PAK3: variants seen among roughly 807,000 people sequenced by gnomAD.
PAK3 encodes serine/threonine-protein kinase PAK 3.
Under a neutral mutation model 41.0 loss-of-function variants are expected in PAK3, and 4 were observed. The ratio of observed to expected loss-of-function variants is 0.10; its 90% CI spans 0.05 to 0.22. PAK3 has a LOEUF of 0.22. PAK3 is among the 10% of genes least tolerant of loss of function. The probability of loss-of-function intolerance (pLI) is 1.00; values close to 1 mark genes in which losing one functional copy is unlikely to be tolerated. For synonymous variants in PAK3, 146 were observed against 139.6 expected, an observed-to-expected ratio of 1.05 and a Z score of -0.32; for missense variants, 205 against 409.9, an observed-to-expected ratio of 0.50 and a Z score of 4.32.
At chrX:111,085,804 G>A (rs990562712) in intron 1 of PAK3, among the ~76,000 whole-genome samples, 1 of 111,433 alleles carries the variant, frequency 9.0e-6, no homozygotes, top group Non-Finnish European at 1.9e-5. Flanking sequence ...AACCTAAAAG[G>A]AGCAATAAAT....
chrX:111,208,400 T>C (rs952746930), intron 16 of PAK3, among the ~76,000 whole-genome samples: 1 of 112,424 alleles, frequency 8.9e-6, no homozygotes, highest in Non-Finnish European at 1.9e-5. Flanking sequence ...GCTTTCACAT[T>C]CACTCACTAG....
intron 1 of PAK3, among the ~76,000 whole-genome samples, chrX:110,994,255 G>A (rs1474205109): frequency 8.9e-6 from 1 of 112,096 alleles, no homozygotes; most frequent in Non-Finnish European, 1.9e-5. Context: ...TGTCCTAAAT[G>A]CCAAAGGGCT....
intron 1 of PAK3, among the ~76,000 whole-genome samples, chrX:111,017,534 T>C (rs1268797473): frequency 8.9e-6 from 1 of 111,828 alleles, no homozygotes; most frequent in Middle Eastern, 4.6e-3. Flanking sequence ...CCTACCAATA[T>C]TGAATTATGA....
intron 1 of PAK3, among the ~76,000 whole-genome samples, chrX:111,079,722 C>A (rs890198672): frequency 8.9e-6 from 1 of 112,282 alleles, no homozygotes; most frequent in African/African-American, 3.2e-5. Flanking sequence ...TTCTTCTGAT[C>A]AGTCTGGACA....
chrX:111,136,647 G>A (rs2093793784), intron 5 of PAK3, among the ~76,000 whole-genome samples: 1 of 111,940 alleles, frequency 8.9e-6, no homozygotes, highest in African/African-American at 3.2e-5. Flanking sequence ...TAAAATAGGA[G>A]TAAGCACTTG....
At chrX:111,080,196 C>T (rs2092822549) in intron 1 of PAK3, among the ~76,000 whole-genome samples, 1 of 111,877 alleles carries the variant, frequency 8.9e-6, no homozygotes, top group Non-Finnish European at 1.9e-5. Context: ...AAAATGTTAT[C>T]AAACAGCATC....
chrX:111,192,198 G>A, intron 12 of PAK3, 23 bp downstream of exon 12: 1 of 985,432 alleles, frequency 1.0e-6, no homozygotes, highest in Non-Finnish European at 1.4e-6. Flanking sequence ...GTTCAATCCT[G>A]ATTTTTATTT....
chrX:111,016,776 G>A, intron 1 of PAK3, among the ~76,000 whole-genome samples: 1 of 103,627 alleles, frequency 9.6e-6, no homozygotes, highest in East Asian at 3.2e-4. Context: ...GGGAGGGAGG[G>A]GAGAAGAAGA....
At chrX:111,092,308 T>A (rs966175193), upstream of PAK3, among the ~76,000 whole-genome samples, 15 of 112,066 alleles carry the variant, frequency 1.3e-4, no homozygotes, top group African/African-American at 4.5e-4. Flanking sequence ...AGGGTTAATG[T>A]CCCCCATCAT....
At position 111,051,697 on chromosome X, in the gene PAK3, C is replaced by CTGTG. The variant is rs55981824; in HGVS notation, c.-27-71360_-27-71357dup. ...ACAACGTGTGTTACCGTGTGTGTGT[C>CTGTG]TGTGTGTGTGTGTGTGTGTGTGTAA... On this transcript the variant is annotated intron_variant, in intron 1 of 14. Coordinates refer to the PAK3 transcript ENST00000425146. Among the ~76,000 whole-genome samples the CTGTG allele has an allele frequency of 2.5e-3, 265 of 104,353 alleles. 2 individuals carry two copies. Among genetic ancestry groups the CTGTG allele is most frequent in the African/African-American group, 8.8e-3 (253 of 28,712 alleles). 90.6% of individuals were successfully genotyped at this position (104,353 alleles called of 115,157 possible).
At chrX:111,209,477 G>T (rs1487011600) in intron 16 of PAK3, among the ~76,000 whole-genome samples, 1 of 112,235 alleles carries the variant, frequency 8.9e-6, no homozygotes, top group Non-Finnish European at 1.9e-5. Flanking sequence ...AGGTATCAAT[G>T]AATAGCCCTC....
chrX:111,004,547 G>A lies in PAK3; in HGVS notation c.-28+59919G>A, dbSNP rs183177809. On this transcript the variant is annotated intron_variant, in intron 1 of 14. Transcript: ENST00000425146. ...AAGACAATCCTTTGTTAGCTCGAGT[G>A]AAGCTATGTGAAATATTATATCCTA... Among the ~76,000 whole-genome samples, 5 of 112,532 alleles carry A rather than the reference G, an allele frequency of 4.4e-5. No individual in the cohort carries two copies. In the East Asian group the frequency reaches 1.4e-3, roughly 31 times the overall value.
intron 1 of PAK3, among the ~76,000 whole-genome samples, chrX:111,059,583 T>A: frequency 9.0e-6 from 1 of 111,655 alleles, no homozygotes; most frequent in Non-Finnish European, 1.9e-5. Context: ...GGATGTCTTT[T>A]CACTTATTTA....
At chrX:111,138,065 G>A (rs1332965606) in intron 5 of PAK3, among the ~76,000 whole-genome samples, 1 of 104,661 alleles carries the variant, frequency 9.6e-6, no homozygotes, top group Admixed American at 1.0e-4. Flanking sequence ...TTTTTTTAAT[G>A]CCACTGAGTA....
chrX:111,145,603 G>T (rs1281437436), intron 6 of PAK3, among the ~76,000 whole-genome samples: 2 of 111,629 alleles, frequency 1.8e-5, no homozygotes, highest in Admixed American at 1.9e-4. Flanking sequence ...TTGGCTTAAG[G>T]CTTTAGCATC....
intron 11 of PAK3, among the ~76,000 whole-genome samples, chrX:111,185,208 T>A (rs919906064): frequency 2.7e-5 from 3 of 112,241 alleles, no homozygotes; most frequent in African/African-American, 9.7e-5. Context: ...TTGAGAAGTG[T>A]CTGTTCATAT....
At chrX:111,037,404 G>A (rs190219594) in intron 1 of PAK3, among the ~76,000 whole-genome samples, 1 of 112,188 alleles carries the variant, frequency 8.9e-6, no homozygotes, top group African/African-American at 3.2e-5. Context: ...GGGTTGGTGT[G>A]AATGGCTTTT....
Position 111,192,020 on chromosome X carries a change from TGA to T in PAK3, c.831-105_831-104del, listed in dbSNP as rs887593819. 1.0e-4 allele frequency: 53 copies of T among 513,923 alleles called. 1 individual carries two copies. In the African/African-American group the frequency reaches 1.2e-3, roughly 12 times the overall value. 42.4% of individuals were successfully genotyped at this position (513,923 alleles called of 1,213,427 possible). On this transcript the variant is annotated intron_variant, in intron 11 of 17. Coordinates refer to ENST00000372007, the MANE Select transcript of PAK3 (RefSeq NM_002578.5). ...TGTTCCTTTTCTTACCTCATAATTT[TGA>T]GTTTGCTAATTTTCCTCCCCTCAAA...
chrX:111,086,061 TTGTG>T lies in PAK3; in HGVS notation c.-27-36989_-27-36986del, dbSNP rs754802946. 3.4e-3 allele frequency among the ~76,000 whole-genome samples: 277 copies of T among 81,748 alleles called. 1 individual carries two copies. The highest frequency in any genetic ancestry group is 9.1e-3 in the African/African-American group (204 of 22,528). The allele number at this position is 81,748 out of a possible 115,157, so 71.0% of individuals were successfully genotyped here. On this transcript the variant is annotated intron_variant, in intron 1 of 14. Transcript: ENST00000425146. The stretch of plus-strand genomic sequence containing the variant: ...GTAGAGAGAAGACTGTGATGTCAGC[TTGTG>T]TGTGTGTGTGTGTGTGTGTGTGTGT...
Sources: gnomAD v4.1 joint callset for allele counts (sites outside exome capture counted in the v4.1 genomes callset) on GRCh38, gnomAD v4.1.1 for gene constraint, MANE v1.5 for transcripts, NCBI Gene and HGNC (gene_info 2026-07-23, HGNC 2026-07-21) for gene names.